SYT3: variants seen among roughly 807,000 people sequenced by gnomAD.
SYT3 encodes synaptotagmin 3, also known as synaptotagmin-3.
SYT3 carries 25 observed loss-of-function variants against 50.6 expected under a neutral mutation model. That is an observed-to-expected ratio of 0.49 (90% CI 0.36 to 0.69). The LOEUF is 0.69. SYT3 is among the 30% of genes least tolerant of loss of function. SYT3 has a pLI of 0.00. For synonymous variants in SYT3, 323 were observed against 353.9 expected (o/e 0.91, Z 0.98); for missense variants, 589 against 793.6 (o/e 0.74, Z 3.10).
At chr19:50,653,949 C>T in the SYT3 span, among the ~76,000 whole-genome samples, 7 of 151,696 alleles carry the variant, frequency 4.6e-5, no homozygotes, top group African/African-American at 1.7e-4. Context: ...AAAAAGCAGC[C>T]GTCGGCTCTG....
Position 50,629,998 on chromosome 19 carries a change from C to T in SYT3, c.848G>A (p.Arg283Gln), listed in dbSNP as rs373678232. The change falls in exon 5 of 11, where the codon CGG (arginine) becomes CAG (glutamine). Residue 283 changes from arginine to glutamine, a missense_variant. This residue lies in a region of SYT3 where 273 missense variants were observed against 439.3 expected (regional missense o/e 0.62). Coordinates refer to ENST00000600079, the MANE Select transcript of SYT3 (RefSeq NM_001160329.2). ...ELYQGTGPGG[R>Q]RSGGGPGSGE... Reference sequence around the variant, plus strand: ...AGAGCCTGGGCCCCCACCGCTCCGCCGGCCACCAGGGCCAGTCCCCTGGTA... The same window carrying T: ...AGAGCCTGGGCCCCCACCGCTCCGCTGGCCACCAGGGCCAGTCCCCTGGTA... 6.2e-6 allele frequency: 10 copies of T among 1,613,684 alleles called. No individual in the cohort carries two copies. Among genetic ancestry groups the T allele is most frequent in the African/African-American group, 2.7e-5 (2 of 74,924 alleles).
chr19:50,657,246 T>C, the SYT3 span, among the ~76,000 whole-genome samples: 1 of 152,162 alleles, frequency 6.6e-6, no homozygotes, highest in African/African-American at 2.4e-5. Flanking sequence ...GGGATTGCTG[T>C]CCTCGTTTTA....
chr19:50,627,060 C>T (rs113624774), intron 6 of SYT3, among the ~76,000 whole-genome samples: 5,345 of 152,126 alleles, frequency 0.035, 138 homozygotes, highest in African/African-American at 0.062. Flanking sequence ...CAACCTCCAC[C>T]GAAGTTTCCA....
At chr19:50,641,341 G>A (rs1030476771), upstream of SYT3, among the ~76,000 whole-genome samples, 17 of 150,874 alleles carry the variant, frequency 1.1e-4, no homozygotes, top group Non-Finnish European at 1.8e-4. Flanking sequence ...CACCGTGCCC[G>A]GCTAATTTTT....
the SYT3 span, among the ~76,000 whole-genome samples, chr19:50,650,647 G>A: frequency 6.6e-6 from 1 of 152,276 alleles, no homozygotes; most frequent in Middle Eastern, 3.4e-3. Context: ...CTCCAGCCTG[G>A]GTGATGGAGG....
intron 6 of SYT3, among the ~76,000 whole-genome samples, chr19:50,628,839 T>C (rs1984170300): frequency 2.0e-5 from 3 of 151,386 alleles, no homozygotes; most frequent in Admixed American, 1.3e-4. Flanking sequence ...TTTTTTTTTT[T>C]TTGAGACGGA....
In SYT3 at chr19:50,632,385, C is replaced by A. The variant is rs771656522; in HGVS notation, c.575G>T (p.Gly192Val). ...CAGGAGCAACCCAGAGCCTGCTCCC[C>A]CCTCAGAGGGCAGCTCAGGGGATGT... is the stretch of plus-strand genomic sequence containing the variant. The part of the protein sequence containing the change: ...SQTSPELPSE[G>V]GAGSGLLLLP... The change falls in exon 4 of 11, where the codon GGG (glycine) becomes GTG (valine). Residue 192 changes from glycine to valine, a missense_variant. Physicochemically the swap from Gly to Val is moderately radical, Grantham distance 109. This residue lies in a region of SYT3 where 316 missense variants were observed against 354.3 expected (regional missense o/e 0.89). Transcript: ENST00000600079. The surrounding 1 kb of genome is among the most constrained non-coding windows in gnomAD (Gnocchi z 4.7). The A allele has an allele frequency of 3.0e-5, 48 of 1,613,120 alleles. No homozygotes were observed. The highest frequency in any genetic ancestry group is 3.7e-5 in the Non-Finnish European group (44 of 1,179,478).
chr19:50,643,594 T>C (rs938117100), upstream of SYT3, among the ~76,000 whole-genome samples: 3 of 151,994 alleles, frequency 2.0e-5, no homozygotes, highest in African/African-American at 7.2e-5. Flanking sequence ...TAGAACAATA[T>C]AAAGAACACC....
At chr19:50,653,576 G>T in the SYT3 span, among the ~76,000 whole-genome samples, 228 of 152,088 alleles carry the variant, frequency 1.5e-3, no homozygotes, top group African/African-American at 5.1e-3. Context: ...TACCGCACGT[G>T]TGTGTGTGAG....
At chr19:50,656,832 A>G in the SYT3 span, among the ~76,000 whole-genome samples, 1 of 151,854 alleles carries the variant, frequency 6.6e-6, no homozygotes, top group Non-Finnish European at 1.5e-5. Context: ...GGTGGCTGGA[A>G]TCCCAGCTAC....
upstream of SYT3, among the ~76,000 whole-genome samples, chr19:50,644,656 T>C (rs1477633954): frequency 6.6e-6 from 1 of 151,750 alleles, no homozygotes; most frequent in African/African-American, 2.4e-5. Flanking sequence ...GATGGGTGGA[T>C]GGATGTTGGA....
chr19:50,644,594 G>A (rs775301304), upstream of SYT3, among the ~76,000 whole-genome samples: 16 of 151,840 alleles, frequency 1.1e-4, no homozygotes, highest in Non-Finnish European at 1.9e-4. Context: ...AGAAATAGAC[G>A]AAGGGATGAA....
upstream of SYT3, among the ~76,000 whole-genome samples, chr19:50,642,406 G>A (rs937039191): frequency 6.6e-6 from 1 of 152,242 alleles, no homozygotes. Flanking sequence ...CTGGTTTTCT[G>A]TGTGACTTTG....
In SYT3 at chr19:50,625,503, G is replaced by A; in HGVS notation, c.1464C>T (p.Ser488=). The A allele has an allele frequency of 6.2e-7, 1 of 1,610,618 alleles. No homozygotes were observed. Among genetic ancestry groups the A allele is most frequent in the Non-Finnish European group, 8.5e-7 (1 of 1,178,696 alleles). The change falls in exon 8 of 11, where the codon TCC becomes TCT. Residue 488 remains serine (S), a synonymous_variant. Transcript: ENST00000600079. This position sits in a 1 kb window ranked among gnomAD's most constrained non-coding sequence, Gnocchi z 7.5. The stretch of plus-strand genomic sequence containing the variant: ...TGGGGTTCAGCGTGTTCTTCTTGAT[G>A]GAGGTTTTCCGCTTCTTCAGACGCC... ...EGRRLKKRKT[S]IKKNTLNPTY... is the part of the protein sequence containing the mutation.
Position 50,630,181 on chromosome 19 carries a change from G to A in SYT3, c.675-10C>T. On this transcript the variant is annotated splice_polypyrimidine_tract_variant and intron_variant, in intron 4 of 10. Transcript: ENST00000600079. ...GGGCAGGGCTGGGTACCTGTAGGGG[G>A]TTGGGGGGAGACCAAGGTGAGGTCA... The A allele has an allele frequency of 6.7e-7, 1 of 1,497,052 alleles. No homozygotes were observed. Among genetic ancestry groups the A allele is most frequent in the Non-Finnish European group, 8.9e-7 (1 of 1,120,386 alleles). The allele number at this position is 1,497,052 out of a possible 1,614,324, so 92.7% of individuals were successfully genotyped here.
intron 3 of SYT3, among the ~76,000 whole-genome samples, chr19:50,633,924 C>G (rs1213383944): frequency 5.3e-5 from 8 of 152,154 alleles, no homozygotes; most frequent in Non-Finnish European, 1.0e-4. Flanking sequence ...AGCCCATGGT[C>G]TTTACTATGA....
upstream of SYT3, among the ~76,000 whole-genome samples, chr19:50,644,359 G>A (rs1169369451): frequency 6.6e-6 from 1 of 152,084 alleles, no homozygotes; most frequent in African/African-American, 2.4e-5. Flanking sequence ...TGAAAGAGTG[G>A]ATGGTTGGGT....
At position 50,632,495 on chromosome 19, in the gene SYT3, G is replaced by A; in HGVS notation, c.465C>T (p.Asp155=). The A allele has an allele frequency of 6.2e-7, 1 of 1,612,444 alleles. No homozygotes were observed. The highest frequency in any genetic ancestry group is 1.3e-5 in the African/African-American group (1 of 75,048). The change falls in exon 4 of 11, where the codon GAC becomes GAT. Residue 155 remains aspartate (D), a synonymous_variant. Coordinates refer to ENST00000600079, the MANE Select transcript of SYT3 (RefSeq NM_001160329.2). The surrounding 1 kb of genome is among the most constrained non-coding windows in gnomAD (Gnocchi z 4.7). ...TGTCCAAGTAGGAGGGCTCAGGGGT[G>A]TCAGAACCCCCCAGGCTGCCTGGCT... The part of the protein sequence containing the change: ...LLEPGSLGGS[D]TPEPSYLDMD...
chr19:50,637,492 G>T lies in SYT3; in HGVS notation c.-15-66C>A. 1 of 1,449,282 alleles carries T rather than the reference G, an allele frequency of 6.9e-7. No individual in the cohort carries two copies. The highest frequency in any genetic ancestry group is 9.4e-7 in the Non-Finnish European group (1 of 1,064,876). The allele number at this position is 1,449,282 out of a possible 1,614,324, so 89.8% of individuals were successfully genotyped here. ...CAGAATGGGAGTGCAGGGTGGGCAG[G>T]TGTGGAGATAAGGGTGGAAAGAGAC... On this transcript the variant is annotated intron_variant, in intron 2 of 10. Coordinates refer to ENST00000600079, the MANE Select transcript of SYT3 (RefSeq NM_001160329.2). This position sits in a 1 kb window ranked among gnomAD's most constrained non-coding sequence, Gnocchi z 4.9.
Sources: gnomAD v4.1 joint callset for allele counts (sites outside exome capture counted in the v4.1 genomes callset) on GRCh38, gnomAD v4.1.1 for gene constraint, gnomAD v4.1.1 regional missense constraint, Gnocchi (gnomAD v3.1) non-coding constraint, MANE v1.5 for transcripts, NCBI Gene and HGNC (gene_info 2026-07-23, HGNC 2026-07-21) for gene names.